The following SUPT3H variants were observed in gnomAD, a reference collection of about 807,000 sequenced individuals.
SUPT3H encodes transcription initiation protein SPT3 homolog.
Under a neutral mutation model 44.3 loss-of-function variants are expected in SUPT3H, and 44 were observed. The observed-to-expected ratio is 0.99, with a 90% CI of 0.78 to 1.28. The LOEUF is 1.28. Ranked by LOEUF, SUPT3H falls within the 50% of genes most tolerant of loss-of-function variation. SUPT3H has a pLI of 0.00. For synonymous variants in SUPT3H, 124 were observed against 125.6 expected (o/e 0.99, Z 0.09); for missense variants, 380 against 387.1 (o/e 0.98, Z 0.15).
chr6:45,300,604 G>C (rs1464527157), intron 2 of SUPT3H, among the ~76,000 whole-genome samples: 1 of 152,178 alleles, frequency 6.6e-6, no homozygotes, highest in African/African-American at 2.4e-5. Context: ...CTGGAAGATA[G>C]GAAGCGACGG....
intron 2 of SUPT3H, among the ~76,000 whole-genome samples, chr6:45,219,649 C>T (rs1447199260): frequency 1.3e-5 from 2 of 152,054 alleles, no homozygotes; most frequent in African/African-American, 4.8e-5. Context: ...TTATAGCTCC[C>T]CCCAATTCCA....
At chr6:45,128,750 A>G (rs991721037) in intron 2 of SUPT3H, among the ~76,000 whole-genome samples, 1 of 150,498 alleles carries the variant, frequency 6.6e-6, no homozygotes, top group Non-Finnish European at 1.5e-5. Context: ...CAGTGGCACA[A>G]TCTTGGCTCA....
intron 2 of SUPT3H, among the ~76,000 whole-genome samples, chr6:45,168,529 C>G (rs1052088519): frequency 1.3e-5 from 2 of 152,162 alleles, no homozygotes; most frequent in African/African-American, 4.8e-5. Flanking sequence ...ACATCCTTAA[C>G]CCTGGCAAAA....
At chr6:44,884,398 C>T (rs903319242) in intron 10 of SUPT3H, among the ~76,000 whole-genome samples, 11 of 152,084 alleles carry the variant, frequency 7.2e-5, no homozygotes, top group Admixed American at 7.2e-4. Flanking sequence ...GCTTTTACAC[C>T]GTTGGTGGGA....
intron 10 of SUPT3H, among the ~76,000 whole-genome samples, chr6:44,907,418 T>C (rs1485348144): frequency 6.6e-6 from 1 of 152,208 alleles, no homozygotes; most frequent in Non-Finnish European, 1.5e-5. Context: ...AACTCATGCC[T>C]GTAATCCCGA....
At chr6:44,879,451 A>G (rs1003123943) in intron 10 of SUPT3H, among the ~76,000 whole-genome samples, 1 of 152,212 alleles carries the variant, frequency 6.6e-6, no homozygotes, top group South Asian at 2.1e-4. Flanking sequence ...TAAAGCTCCC[A>G]TCTTCCTGGG....
rs57097036 is a variant in SUPT3H, at chr6:44,890,335, A to T, written c.912+42318T>A. Reference sequence around the variant, plus strand: ...ATATGTTTATTGCGGCATTATTCACAATAGCAAAGACTTGGAACCAACCCA... The same window carrying T: ...ATATGTTTATTGCGGCATTATTCACTATAGCAAAGACTTGGAACCAACCCA... On this transcript the variant is annotated intron_variant, in intron 10 of 10. Transcript: ENST00000371459. Among the ~76,000 whole-genome samples, 194 of 147,328 alleles carry T rather than the reference A, an allele frequency of 1.3e-3. 3 individuals are homozygous for T. In the East Asian group the frequency reaches 0.035, roughly 26 times the overall value.
rs1346589395 is a variant in SUPT3H at position 44,954,581 on chromosome 6, A to G, written c.607T>C (p.Trp203Arg). 6.2e-7 allele frequency: 1 copy of G among 1,611,922 alleles called. No individual in the cohort carries two copies. Among genetic ancestry groups the G allele is most frequent in the Non-Finnish European group, 8.5e-7 (1 of 1,179,556 alleles). ...FSKKASKFRD[W>R]LDCSSMEIKP... ...ATCTCCATACTGCTGCAGTCCAACCAGTCTCGAAATTTGGAAGCTTTTTTG... is the reference window on the plus strand; with the variant it reads ...ATCTCCATACTGCTGCAGTCCAACCGGTCTCGAAATTTGGAAGCTTTTTTG... The change falls in exon 8 of 11, where the codon TGG (tryptophan) becomes CGG (arginine). Residue 203 changes from tryptophan (W) to arginine (R), a missense_variant. Transcript: ENST00000371459.
At position 44,861,903 on chromosome 6, in the gene SUPT3H, T is replaced by A. The variant is rs145047814; in HGVS notation, c.913-32046A>T. ...CTGATTTTAATATTAAGCTAAAATG[T>A]AAGATCTTGTTTGAAGAACAAGTTA... On this transcript the variant is annotated intron_variant, in intron 10 of 10. Transcript: ENST00000371459. 7.9e-5 allele frequency among the ~76,000 whole-genome samples: 12 copies of A among 152,282 alleles called. No individual in the cohort carries two copies. The East Asian group carries it at 2.3e-3, about 29-fold the overall frequency.
intron 10 of SUPT3H, among the ~76,000 whole-genome samples, chr6:44,850,899 T>C (rs1352817767): frequency 6.6e-6 from 1 of 152,226 alleles, no homozygotes; most frequent in Non-Finnish European, 1.5e-5. Flanking sequence ...AATAAGCTAC[T>C]GGTTTATCTA....
intron 3 of SUPT3H, among the ~76,000 whole-genome samples, chr6:45,051,864 A>G (rs567813066): frequency 5.9e-5 from 9 of 152,316 alleles, no homozygotes; most frequent in East Asian, 5.8e-4. Flanking sequence ...TTGAAGTTAC[A>G]CAGGAGTTGC....
chr6:44,903,868 T>C lies in SUPT3H; in HGVS notation c.912+28785A>G, dbSNP rs1765529261. On this transcript the variant is annotated intron_variant, in intron 10 of 10. Transcript: ENST00000371459. ...GGGCTTCATCCCTGGGATGCAAGGCTGGTTCAACATACGAAAATCAATAAA... is the reference window on the plus strand; with the variant it reads ...GGGCTTCATCCCTGGGATGCAAGGCCGGTTCAACATACGAAAATCAATAAA... 2.0e-5 allele frequency among the ~76,000 whole-genome samples: 3 copies of C among 152,348 alleles called. No homozygotes were observed. The South Asian group carries it at 6.2e-4, about 32-fold the overall frequency.
chr6:45,338,635 C>G (rs924131229), intron 2 of SUPT3H, among the ~76,000 whole-genome samples: 1 of 152,038 alleles, frequency 6.6e-6, no homozygotes, highest in African/African-American at 2.4e-5. Context: ...AATAATAATA[C>G]TATCTTTCTC....
intron 10 of SUPT3H, among the ~76,000 whole-genome samples, chr6:44,888,815 G>C (rs1428576075): frequency 1.3e-5 from 2 of 151,890 alleles, no homozygotes; most frequent in African/African-American, 4.8e-5. Flanking sequence ...AGGAAAAGAA[G>C]AAGTCAAATT....
intron 2 of SUPT3H, among the ~76,000 whole-genome samples, chr6:45,290,043 G>C (rs144573809): frequency 6.6e-6 from 1 of 151,962 alleles, no homozygotes; most frequent in Non-Finnish European, 1.5e-5. Context: ...AGTCAGGCGT[G>C]GTGACACACA....
At chr6:44,993,766 A>G (rs1224349556) in intron 6 of SUPT3H, among the ~76,000 whole-genome samples, 1 of 152,164 alleles carries the variant, frequency 6.6e-6, no homozygotes, top group Non-Finnish European at 1.5e-5. Flanking sequence ...GAATAATTTC[A>G]TAAGTATTTT....
chr6:44,852,521 G>A (rs1185446329), intron 10 of SUPT3H, among the ~76,000 whole-genome samples: 1 of 152,030 alleles, frequency 6.6e-6, no homozygotes, highest in African/African-American at 2.4e-5. Context: ...AGTGGAGAAG[G>A]AACAACCTCT....
At chr6:45,138,817 T>A (rs1393535227) in intron 2 of SUPT3H, among the ~76,000 whole-genome samples, 1 of 152,166 alleles carries the variant, frequency 6.6e-6, no homozygotes, top group Non-Finnish European at 1.5e-5. Context: ...TTACTAAAAA[T>A]CATTCAACAC....
At chr6:45,048,523 A>C (rs960384443) in intron 3 of SUPT3H, among the ~76,000 whole-genome samples, 4 of 152,068 alleles carry the variant, frequency 2.6e-5, no homozygotes, top group Non-Finnish European at 2.9e-5. Flanking sequence ...CTACCATATG[A>C]TCCATCAATC....
Sources: allele counts gnomAD v4.1 joint callset (sites outside exome capture counted in the v4.1 genomes callset), GRCh38; gene constraint gnomAD v4.1.1; transcripts MANE v1.5; gene names NCBI Gene and HGNC (gene_info 2026-07-23, HGNC 2026-07-21).